OCA2: variants seen among roughly 807,000 people sequenced by gnomAD.
OCA2 encodes OCA2 melanosomal transmembrane protein.
A neutral mutation model predicts 100.2 loss-of-function variants in OCA2; 77 were observed. That is an observed-to-expected ratio of 0.77 (90% CI 0.64 to 0.93). OCA2 has a LOEUF of 0.93. Among genes scored for constraint, OCA2 ranks in the 40% least tolerant of loss-of-function variants. The probability of loss-of-function intolerance (pLI) is 0.00; values close to 1 mark genes in which losing one functional copy is unlikely to be tolerated. For missense variants in OCA2, 1,062 were observed against 1,089.1 expected (o/e 0.98, Z 0.35); for synonymous variants, 432 against 439.2 (o/e 0.98, Z 0.21).
chr15:27,741,452 C>T, the OCA2 span, among the ~76,000 whole-genome samples: 1 of 152,138 alleles, frequency 6.6e-6, no homozygotes, highest in Non-Finnish European at 1.5e-5. Flanking sequence ...GAGGAGTGAG[C>T]CGGTGTCGTG....
chr15:28,089,507 A>C (rs2044836610), intron 1 of OCA2, among the ~76,000 whole-genome samples: 1 of 152,194 alleles, frequency 6.6e-6, no homozygotes, highest in Admixed American at 6.5e-5. Flanking sequence ...TTCTTCTACC[A>C]TGGCTTCAGC....
chr15:27,927,736 A>C (rs1347010086), intron 18 of OCA2, among the ~76,000 whole-genome samples: 2 of 145,570 alleles, frequency 1.4e-5, no homozygotes, highest in Non-Finnish European at 3.0e-5. Flanking sequence ...GTGGGATCTT[A>C]CTGTGGTTTC....
chr15:28,006,219 T>G (rs1376320567), intron 9 of OCA2, among the ~76,000 whole-genome samples: 1 of 152,152 alleles, frequency 6.6e-6, no homozygotes, highest in Non-Finnish European at 1.5e-5. Context: ...CCCTCAAGAT[T>G]CACTGTGGCC....
At chr15:27,799,043 A>T (rs1277671569) in intron 23 of OCA2, among the ~76,000 whole-genome samples, 4 of 152,252 alleles carry the variant, frequency 2.6e-5, no homozygotes, top group Admixed American at 2.6e-4. Context: ...GTTTTTCATT[A>T]AACAAGAGAG....
At chr15:27,985,367 C>T (rs2041319864) in intron 12 of OCA2, among the ~76,000 whole-genome samples, 179 bp from the exon 13 acceptor site, 1 of 152,140 alleles carries the variant, frequency 6.6e-6, no homozygotes, top group Non-Finnish European at 1.5e-5. Context: ...CATCGAAGTT[C>T]CTAGACATTC....
chr15:27,974,630 T>C (rs2040907168), intron 14 of OCA2, among the ~76,000 whole-genome samples: 1 of 152,108 alleles, frequency 6.6e-6, no homozygotes, highest in Admixed American at 6.5e-5. Flanking sequence ...TAGCCAGGCG[T>C]GGTGGTATGC....
intron 23 of OCA2, among the ~76,000 whole-genome samples, chr15:27,817,086 G>A (rs189408395): frequency 3.4e-4 from 51 of 152,170 alleles, no homozygotes; most frequent in African/African-American, 4.3e-4. Flanking sequence ...TAGGCTCTGC[G>A]CTCCTGGCAT....
intron 19 of OCA2, among the ~76,000 whole-genome samples, chr15:27,872,535 G>A (rs1766546660): frequency 6.6e-6 from 1 of 152,182 alleles, no homozygotes; most frequent in East Asian, 1.9e-4. Context: ...TCACGACCGA[G>A]CCACTGTGAG....
At chr15:28,063,606 T>C (rs1417028822) in intron 2 of OCA2, among the ~76,000 whole-genome samples, 2 of 152,122 alleles carry the variant, frequency 1.3e-5, no homozygotes, top group African/African-American at 2.4e-5. Flanking sequence ...GCTGAGAGGA[T>C]TACAATTATC....
At chr15:27,861,589 GA>G (rs2036134454) in intron 21 of OCA2, among the ~76,000 whole-genome samples, 1 of 152,134 alleles carries the variant, frequency 6.6e-6, no homozygotes, top group Non-Finnish European at 1.5e-5. Context: ...GCCAGGCGGG[GA>G]AAGATTCTGA....
chr15:27,733,501 C>A, the OCA2 span, among the ~76,000 whole-genome samples: 1 of 152,158 alleles, frequency 6.6e-6, no homozygotes, highest in African/African-American at 2.4e-5. Flanking sequence ...GTTGCCCACC[C>A]TTCCTAACAG....
the OCA2 span, among the ~76,000 whole-genome samples, chr15:27,726,277 G>A: frequency 4.6e-5 from 7 of 151,652 alleles, no homozygotes; most frequent in South Asian, 2.1e-4. Flanking sequence ...TAGCCTGGGC[G>A]ACAGAGCGAG....
At chr15:28,060,371 T>A (rs554203536) in intron 2 of OCA2, among the ~76,000 whole-genome samples, 21 of 152,374 alleles carry the variant, frequency 1.4e-4, no homozygotes, top group African/African-American at 5.0e-4. Context: ...TTATTTTTTT[T>A]AATCCTAGCT....
At chr15:28,021,277 T>C (rs1469119085) in intron 6 of OCA2, among the ~76,000 whole-genome samples, 1 of 152,030 alleles carries the variant, frequency 6.6e-6, no homozygotes, top group African/African-American at 2.4e-5. Flanking sequence ...CATTCCAAAA[T>C]AGGCTCTGGA....
At chr15:27,969,811 C>T (rs1016616047) in intron 14 of OCA2, among the ~76,000 whole-genome samples, 1 of 151,554 alleles carries the variant, frequency 6.6e-6, no homozygotes, top group African/African-American at 2.4e-5. Context: ...AATGACGCTT[C>T]AGGCTAGCTC....
intron 19 of OCA2, among the ~76,000 whole-genome samples, chr15:27,899,306 T>C (rs2037830578): frequency 6.6e-6 from 1 of 152,190 alleles, no homozygotes; most frequent in East Asian, 1.9e-4. Flanking sequence ...TCTGTTAATT[T>C]GTGCAGCAAT....
intron 18 of OCA2, among the ~76,000 whole-genome samples, chr15:27,936,373 G>A (rs1487143241): frequency 2.0e-5 from 3 of 152,194 alleles, no homozygotes; most frequent in African/African-American, 7.2e-5. Flanking sequence ...TGCTATGGCA[G>A]CAGAAGGAGG....
chr15:28,004,439 C>T (rs12440330), intron 9 of OCA2, among the ~76,000 whole-genome samples: 9,366 of 152,246 alleles, frequency 0.062, 1,126 homozygotes, highest in East Asian at 0.59. Flanking sequence ...GGGGAGCCTG[C>T]GGGGACGCCA....
Position 27,754,997 on chromosome 15 carries a change from G to A in OCA2, c.*391C>T, listed in dbSNP as rs1394045355. The A allele has an allele frequency of 3.9e-6, 1 of 254,404 alleles. No homozygotes were observed. The highest frequency in any genetic ancestry group is 5.5e-5 in the South Asian group (1 of 18,332). 15.8% of individuals were successfully genotyped at this position (254,404 alleles called of 1,614,324 possible). On this transcript the variant is annotated 3_prime_UTR_variant, in exon 24 of 24. Coordinates refer to ENST00000354638, the MANE Select transcript of OCA2 (RefSeq NM_000275.3). ...AATGCTGATTATTTTAACATGAAAA[G>A]TGATTACAAGAAAAACAAACTGTGT...
Sources: allele counts gnomAD v4.1 joint callset (sites outside exome capture counted in the v4.1 genomes callset), GRCh38; gene constraint gnomAD v4.1.1; transcripts MANE v1.5; gene names NCBI Gene and HGNC (gene_info 2026-07-23, HGNC 2026-07-21).